Variants in CRISPLD2 observed in about 807,000 individuals in gnomAD.
CRISPLD2 encodes the protein cysteine rich secretory protein LCCL domain containing 2, also known as cysteine-rich secretory protein LCCL domain-containing 2.
A neutral mutation model predicts 71.1 loss-of-function variants in CRISPLD2; 47 were observed. The ratio of observed to expected loss-of-function variants is 0.66; its 90% CI spans 0.52 to 0.84. The LOEUF (loss-of-function observed/expected upper bound fraction) is 0.84. CRISPLD2 is among the 40% of genes least tolerant of loss of function. The pLI, the probability that CRISPLD2 is intolerant of heterozygous loss-of-function variation, is 0.00. For missense variants in CRISPLD2, 830 were observed against 651.1 expected (o/e 1.27, Z -2.99); for synonymous variants, 317 against 250.1 (o/e 1.27, Z -2.52).
intron 2 of CRISPLD2, among the ~76,000 whole-genome samples, chr16:84,841,641 G>A (rs1315339584): frequency 6.6e-6 from 1 of 152,032 alleles, no homozygotes. Flanking sequence ...TGTCCCCCAG[G>A]CTGGAGTGCA....
intron 14 of CRISPLD2, among the ~76,000 whole-genome samples, chr16:84,895,144 G>C (rs1014069797): frequency 1.3e-5 from 2 of 152,178 alleles, no homozygotes; most frequent in Admixed American, 1.3e-4. Context: ...GCCCTGCAAA[G>C]TAGGAACCGT....
chr16:84,886,492 G>A (rs1477535956), intron 13 of CRISPLD2, among the ~76,000 whole-genome samples: 2 of 152,068 alleles, frequency 1.3e-5, no homozygotes. Context: ...CTGAGCTTGG[G>A]TGTAGCTCCC....
At chr16:84,887,886 A>C (rs1477546711) in intron 13 of CRISPLD2, among the ~76,000 whole-genome samples, 1 of 151,538 alleles carries the variant, frequency 6.6e-6, no homozygotes, top group African/African-American at 2.4e-5. Context: ...CAAAAAATAG[A>C]TAGATAAATA....
At chr16:84,858,128 C>T (rs552639205) in intron 6 of CRISPLD2, among the ~76,000 whole-genome samples, 5 of 152,314 alleles carry the variant, frequency 3.3e-5, no homozygotes, top group Admixed American at 3.3e-4. Context: ...TGTGATTCAC[C>T]TATGGGAGCC....
intron 14 of CRISPLD2, among the ~76,000 whole-genome samples, chr16:84,898,001 C>G (rs1013360856): frequency 3.3e-5 from 5 of 152,232 alleles, no homozygotes; most frequent in East Asian, 3.8e-4. Context: ...CCTAGCCTGT[C>G]TAGCCACACC....
chr16:84,865,563 G>C (rs1376999437), intron 6 of CRISPLD2, among the ~76,000 whole-genome samples: 1 of 151,982 alleles, frequency 6.6e-6, no homozygotes, highest in African/African-American at 2.4e-5. Flanking sequence ...TTTTTTGCTT[G>C]GGGAGCTTGG....
intron 3 of CRISPLD2, 120 bp downstream of exon 3, chr16:84,846,024 A>G: frequency 1.6e-6 from 1 of 614,374 alleles, no homozygotes; most frequent in South Asian, 2.1e-5. Context: ...CACCCGTCCC[A>G]TCGATATTCT....
At chr16:84,897,592 AAACAC>A (rs950404191) in intron 14 of CRISPLD2, among the ~76,000 whole-genome samples, 13 of 152,188 alleles carry the variant, frequency 8.5e-5, no homozygotes, top group African/African-American at 3.1e-4. Context: ...GTTTACATAT[AAACAC>A]GCCTTTTTTT....
intron 6 of CRISPLD2, among the ~76,000 whole-genome samples, chr16:84,857,829 C>A (rs536862482): frequency 6.6e-6 from 1 of 152,326 alleles, no homozygotes; most frequent in South Asian, 2.1e-4. Flanking sequence ...GAGCCACTTC[C>A]TTATGTAACT....
At chr16:84,887,877 A>C (rs538752826) in intron 13 of CRISPLD2, among the ~76,000 whole-genome samples, 1 of 152,316 alleles carries the variant, frequency 6.6e-6, no homozygotes, top group South Asian at 2.1e-4. Flanking sequence ...ACTCCGTCTC[A>C]AAAAATAGAT....
At chr16:84,852,273 G>A (rs1917110193) in intron 5 of CRISPLD2, among the ~76,000 whole-genome samples, 1 of 152,234 alleles carries the variant, frequency 6.6e-6, no homozygotes, top group South Asian at 2.1e-4. Context: ...CATAATGAAA[G>A]TCCACGGCAA....
intron 13 of CRISPLD2, among the ~76,000 whole-genome samples, chr16:84,884,735 C>T (rs1441175568): frequency 6.6e-6 from 1 of 152,178 alleles, no homozygotes; most frequent in Non-Finnish European, 1.5e-5. Flanking sequence ...TGGGTGTGAG[C>T]TTTTCGTACT....
intron 13 of CRISPLD2, among the ~76,000 whole-genome samples, chr16:84,885,611 T>G (rs1462574469): frequency 1.3e-5 from 2 of 152,176 alleles, no homozygotes; most frequent in Admixed American, 1.3e-4. Context: ...GTTTAGTTTA[T>G]TTATTGAAGA....
At chr16:84,827,853 C>T (rs1597444546) in intron 1 of CRISPLD2, among the ~76,000 whole-genome samples, 1 of 152,092 alleles carries the variant, frequency 6.6e-6, no homozygotes, top group South Asian at 2.1e-4. Flanking sequence ...AGGTGCGAGC[C>T]GCCGCACCGG....
At chr16:84,896,522 G>C (rs1345445273) in intron 14 of CRISPLD2, among the ~76,000 whole-genome samples, 1 of 152,124 alleles carries the variant, frequency 6.6e-6, no homozygotes, top group African/African-American at 2.4e-5. Context: ...TTCAAATTTT[G>C]CATTTTGATT....
In CRISPLD2 at chr16:84,838,374, C is replaced by T. The variant is rs565955768; in HGVS notation, c.-74-48C>T. 3.3e-5 allele frequency: 41 copies of T among 1,233,198 alleles called. No homozygotes were observed. In the East Asian group the frequency reaches 5.1e-4, roughly 15 times the overall value. 76.4% of individuals were successfully genotyped at this position (1,233,198 alleles called of 1,614,324 possible). On this transcript the variant is annotated intron_variant, in intron 1 of 14. Coordinates refer to ENST00000262424, the MANE Select transcript of CRISPLD2 (RefSeq NM_031476.4). ...TCGCTGCTCCAGCCAGCGCTGTGAC[C>T]GGCTCCTACTAATGCGACTTCTCCC...
At chr16:84,898,001 C>T (rs1013360856) in intron 14 of CRISPLD2, among the ~76,000 whole-genome samples, 1 of 152,232 alleles carries the variant, frequency 6.6e-6, no homozygotes, top group Non-Finnish European at 1.5e-5. Context: ...CCTAGCCTGT[C>T]TAGCCACACC....
At position 84,906,723 on chromosome 16, in the gene CRISPLD2, T is replaced by A. The variant is rs769195714; in HGVS notation, c.*81T>A. On this transcript the variant is annotated 3_prime_UTR_variant, in exon 15 of 15. Transcript: ENST00000262424. The stretch of plus-strand genomic sequence containing the variant: ...TTATTTTTATTTTGTCATTGCGGGG[T>A]ATATGGAGAGTCAGGAAACTTCCTT... 7 of 1,502,212 alleles carry A rather than the reference T, an allele frequency of 4.7e-6. No individual in the cohort carries two copies. The South Asian group carries it at 5.6e-5, about 12-fold the overall frequency. 93.1% of individuals were successfully genotyped at this position (1,502,212 alleles called of 1,614,324 possible). A position where few individuals can be genotyped will look rare whatever the true frequency, so the allele number is the denominator to read the frequency against.
At chr16:84,871,184 C>T (rs971141301) in intron 8 of CRISPLD2, among the ~76,000 whole-genome samples, 4 of 152,154 alleles carry the variant, frequency 2.6e-5, no homozygotes, top group African/African-American at 4.8e-5. Context: ...TTAAGTCTTT[C>T]TTAAAGATTT....
Sources: allele counts gnomAD v4.1 joint callset (sites outside exome capture counted in the v4.1 genomes callset), GRCh38; gene constraint gnomAD v4.1.1; transcripts MANE v1.5; gene names NCBI Gene and HGNC (gene_info 2026-07-23, HGNC 2026-07-21).